The following PRH1 variants were observed in gnomAD, a reference collection of about 807,000 sequenced individuals.
The protein encoded by PRH1 is proline rich protein HaeIII subfamily 1.
A neutral mutation model predicts 7.9 loss-of-function variants in PRH1; 7 were observed. The ratio of observed to expected loss-of-function variants is 0.89; its 90% confidence interval spans 0.50 to 1.67. The LOEUF (loss-of-function observed/expected upper bound fraction) is 1.67, where lower values mean the gene tolerates loss of function less well. Ranked by LOEUF, PRH1 falls within the 40% of genes most tolerant of loss-of-function variation. The pLI, the probability that PRH1 is intolerant of heterozygous loss-of-function variation, is 0.00. For synonymous variants in PRH1, 45 were observed against 80.8 expected (o/e 0.56, Z 2.38); for missense variants, 109 against 223.6 (o/e 0.49, Z 3.27).
chr12:11,003,068 A>G (rs1286222425), intron 1 of PRH1, among the ~76,000 whole-genome samples: 3 of 151,982 alleles, frequency 2.0e-5, no homozygotes, highest in African/African-American at 7.2e-5. Context: ...TTCAAAATCT[A>G]TTGTTTCAAA....
At chr12:10,886,858 C>T (rs567597430), upstream of PRH1, among the ~76,000 whole-genome samples, 9 of 152,296 alleles carry the variant, frequency 5.9e-5, no homozygotes, top group South Asian at 1.7e-3. Context: ...AATATGACCA[C>T]TTGCCTGATC....
intron 1 of PRH1, chr12:11,031,496 A>C: frequency 4.0e-6 from 3 of 747,358 alleles, no homozygotes; most frequent in Non-Finnish European, 6.0e-6. Flanking sequence ...AGAGTGAGCA[A>C]CAGCAAGGTT....
chr12:10,999,265 A>C (rs1049531714), intron 1 of PRH1, among the ~76,000 whole-genome samples: 2 of 152,180 alleles, frequency 1.3e-5, no homozygotes, highest in Non-Finnish European at 2.9e-5. Flanking sequence ...CAAAGGAAAA[A>C]TAGGTTGGAA....
intron 1 of PRH1, among the ~76,000 whole-genome samples, chr12:11,033,194 C>T (rs988894249): frequency 3.3e-5 from 5 of 152,050 alleles, no homozygotes; most frequent in African/African-American, 1.2e-4. Flanking sequence ...TGGTGAAACC[C>T]CATCTCTACT....
chr12:10,899,962 A>G (rs1490472937), intron 2 of PRH1, among the ~76,000 whole-genome samples: 2 of 152,210 alleles, frequency 1.3e-5, no homozygotes, highest in Non-Finnish European at 2.9e-5. Context: ...GGATGACCTG[A>G]ATGTTTATTT....
At chr12:11,031,429 T>A (rs1360497091) in intron 1 of PRH1, 1 of 1,436,574 alleles carries the variant, frequency 7.0e-7, no homozygotes, top group Non-Finnish European at 9.4e-7. Flanking sequence ...ACTTCAAAAA[T>A]GGAGCCACCG....
chr12:11,171,518 C>G, upstream of PRH1: 1 of 1,232,320 alleles, frequency 8.1e-7, no homozygotes, highest in Non-Finnish European at 1.0e-6. Flanking sequence ...ACTTCTACGT[C>G]GCGGGCTCGG....
chr12:11,014,181 G>T (rs1941188576), intron 1 of PRH1, among the ~76,000 whole-genome samples: 1 of 152,162 alleles, frequency 6.6e-6, no homozygotes, highest in South Asian at 2.1e-4. Flanking sequence ...TGTCAGTAAA[G>T]AGATTACATG....
chr12:11,026,257 C>T (rs555406633), intron 1 of PRH1, among the ~76,000 whole-genome samples: 1 of 152,304 alleles, frequency 6.6e-6, no homozygotes, highest in Non-Finnish European at 1.5e-5. Flanking sequence ...GGAACTCCTG[C>T]TCTCAAGGGA....
At chr12:10,906,365 T>C (rs1437830760) in intron 2 of PRH1, among the ~76,000 whole-genome samples, 1 of 152,236 alleles carries the variant, frequency 6.6e-6, no homozygotes, top group African/African-American at 2.4e-5. Flanking sequence ...TAGTTGATTA[T>C]TGAACTTCAT....
chr12:11,060,213 T>C (rs1943527979), intron 1 of PRH1, among the ~76,000 whole-genome samples: 1 of 152,186 alleles, frequency 6.6e-6, no homozygotes, highest in Non-Finnish European at 1.5e-5. Flanking sequence ...TAGAACTTCC[T>C]ATTAATGAAT....
At chr12:10,906,753 T>C (rs1443344214) in intron 2 of PRH1, among the ~76,000 whole-genome samples, 2 of 152,206 alleles carry the variant, frequency 1.3e-5, no homozygotes, top group Non-Finnish European at 2.9e-5. Context: ...GTGAGGCCTT[T>C]CCAGCCATGT....
intron 2 of PRH1, among the ~76,000 whole-genome samples, chr12:10,917,547 G>C (rs956044362): frequency 6.6e-6 from 1 of 152,084 alleles, no homozygotes; most frequent in African/African-American, 2.4e-5. Flanking sequence ...TTTTATAAGA[G>C]CCACAGGTGA....
At chr12:10,943,943 G>C (rs75010611) in intron 2 of PRH1, among the ~76,000 whole-genome samples, 2 of 152,194 alleles carry the variant, frequency 1.3e-5, no homozygotes, top group South Asian at 2.1e-4. Context: ...CTGTTTTTAT[G>C]CCAGTACCAT....
At position 10,964,320 on chromosome 12, in the gene PRH1, C is replaced by G. The variant is rs1337972830; in HGVS notation, c.-59+9335G>C. On this transcript the variant is annotated intron_variant, in intron 2 of 3. Coordinates refer to the PRH1 transcript ENST00000539853. ...TCTAGATATACTTTTGGAAATTACT[C>G]AAAAACATACAATACAGAAAAACCA... 3.1e-5 allele frequency: 5 copies of G among 162,530 alleles called. No homozygotes were observed. The East Asian group carries it at 7.9e-4, about 26-fold the overall frequency. 10.1% of individuals were successfully genotyped at this position (162,530 alleles called of 1,614,324 possible).
chr12:10,998,566 A>G (rs1048271347), intron 1 of PRH1, among the ~76,000 whole-genome samples: 4 of 152,112 alleles, frequency 2.6e-5, no homozygotes, highest in Admixed American at 6.6e-5. Flanking sequence ...TCACTCTTCA[A>G]GGATGGAAGG....
intron 2 of PRH1, among the ~76,000 whole-genome samples, chr12:10,949,587 T>A (rs2135910686): frequency 6.6e-6 from 1 of 152,360 alleles, no homozygotes; most frequent in South Asian, 2.1e-4. Context: ...AACATGATAA[T>A]TATAATACCA....
chr12:11,160,762 C>T (rs1325942598), intron 1 of PRH1, among the ~76,000 whole-genome samples: 1 of 152,116 alleles, frequency 6.6e-6, no homozygotes, highest in Non-Finnish European at 1.5e-5. Context: ...TGTGAGCCAC[C>T]ACGCCTGGCC....
Position 11,078,131 on chromosome 12 carries a change from T to C in PRH1, n.124-30943A>G. 4 of 608,188 alleles carry C rather than the reference T, an allele frequency of 6.6e-6. 2 individuals are homozygous for C. The highest frequency in any genetic ancestry group is 6.3e-6 in the Non-Finnish European group (2 of 316,394). The allele number at this position is 608,188 out of a possible 1,614,324, so 37.7% of individuals were successfully genotyped here. ...TGGTCAGCTGAGGAGATCTTTCGTG[T>C]CTTAACCCAGTCAATGACATTTACT... On this transcript the variant is annotated intron_variant and non_coding_transcript_variant, in intron 1 of 4. Transcript: ENST00000541977.
Sources: allele counts gnomAD v4.1 joint callset (sites outside exome capture counted in the v4.1 genomes callset), GRCh38; gene constraint gnomAD v4.1.1; transcripts MANE v1.5; gene names NCBI Gene and HGNC (gene_info 2026-07-23, HGNC 2026-07-21).